The following AMMECR1 variants were observed in gnomAD, a reference collection of about 807,000 sequenced individuals.
AMMECR1 encodes the protein nuclear protein AMMECR1.
Under a neutral mutation model 22.5 loss-of-function variants are expected in AMMECR1, and 3 were observed. That is an observed-to-expected ratio of 0.13 (90% CI 0.06 to 0.35). The LOEUF (loss-of-function observed/expected upper bound fraction) is 0.35. Ranked by LOEUF, AMMECR1 falls within the 10% of genes least tolerant of loss-of-function variation. The pLI is 1.00. For missense variants in AMMECR1, 235 were observed against 278.7 expected, an observed-to-expected ratio of 0.84 and a Z score of 1.12; for synonymous variants, 130 against 116.7, an observed-to-expected ratio of 1.11 and a Z score of -0.74.
chrX:110,215,144 A>T (rs1296546735), intron 3 of AMMECR1, among the ~76,000 whole-genome samples: 1 of 112,310 alleles, frequency 8.9e-6, no homozygotes, highest in Non-Finnish European at 1.9e-5. Flanking sequence ...TAGGAACAAC[A>T]GTATAAATTT....
intron 1 of AMMECR1, among the ~76,000 whole-genome samples, chrX:110,314,992 T>G (rs1569404579): frequency 9.0e-6 from 1 of 111,048 alleles, no homozygotes; most frequent in Non-Finnish European, 1.9e-5. Flanking sequence ...TATGAGAAGT[T>G]AAAACTGTCA....
At chrX:110,313,660 C>G (rs1233205780) in intron 1 of AMMECR1, among the ~76,000 whole-genome samples, 2 of 111,701 alleles carry the variant, frequency 1.8e-5, no homozygotes, top group African/African-American at 3.3e-5. Flanking sequence ...ATGCTTTTAA[C>G]TCCTAAAATG....
At chrX:110,300,164 C>A (rs996511156) in intron 1 of AMMECR1, among the ~76,000 whole-genome samples, 5 of 112,063 alleles carry the variant, frequency 4.5e-5, no homozygotes, top group African/African-American at 1.6e-4. Context: ...CAAAGGTTCC[C>A]TTTTGTCCAT....
At chrX:110,208,843 A>G (rs947017903) in intron 3 of AMMECR1, among the ~76,000 whole-genome samples, 1 of 111,677 alleles carries the variant, frequency 9.0e-6, no homozygotes, top group African/African-American at 3.3e-5. Flanking sequence ...AAAACCCCCA[A>G]TTCTCTGTAA....
intron 2 of AMMECR1, among the ~76,000 whole-genome samples, chrX:110,359,815 C>A (rs1417746429): frequency 9.0e-6 from 1 of 111,528 alleles, no homozygotes; most frequent in Non-Finnish European, 1.9e-5. Context: ...GGTCTGGTCA[C>A]ATCATACAAG....
At chrX:110,404,123 A>G (rs973745840) in intron 2 of AMMECR1, among the ~76,000 whole-genome samples, 6 of 112,449 alleles carry the variant, frequency 5.3e-5, no homozygotes, top group African/African-American at 1.9e-4. Flanking sequence ...ACGTCATGCT[A>G]CCATTCGTTT....
upstream of AMMECR1, among the ~76,000 whole-genome samples, chrX:110,320,220 T>G (rs868365370): frequency 8.9e-6 from 1 of 112,131 alleles, no homozygotes; most frequent in African/African-American, 3.2e-5. Flanking sequence ...GAAAGCAGAT[T>G]GGTTTTTTTA....
At chrX:110,347,364 A>G (rs1204645554) in intron 2 of AMMECR1, among the ~76,000 whole-genome samples, 4 of 112,718 alleles carry the variant, frequency 3.5e-5, no homozygotes, top group African/African-American at 1.3e-4. Context: ...GTTTTGAGAT[A>G]TTTTCAAAAA....
At chrX:110,382,558 C>T (rs2068427556) in intron 2 of AMMECR1, among the ~76,000 whole-genome samples, 1 of 111,604 alleles carries the variant, frequency 9.0e-6, no homozygotes, top group Non-Finnish European at 1.9e-5. Context: ...ATATATCATC[C>T]CAGTCTGACA....
intron 2 of AMMECR1, among the ~76,000 whole-genome samples, chrX:110,259,745 C>T (rs2067729852): frequency 9.2e-6 from 1 of 109,248 alleles, no homozygotes; most frequent in East Asian, 2.9e-4. Flanking sequence ...GCACCCGCCA[C>T]CACGCCCGGC....
intron 1 of AMMECR1, among the ~76,000 whole-genome samples, chrX:110,283,059 CA>C (rs975956215): frequency 6.2e-4 from 65 of 105,134 alleles, no homozygotes; most frequent in African/African-American, 2.1e-3. Context: ...TATGGGTTAA[CA>C]AAAAAAAAAT....
At chrX:110,359,130 G>T (rs147449796) in intron 2 of AMMECR1, among the ~76,000 whole-genome samples, 3 of 110,925 alleles carry the variant, frequency 2.7e-5, no homozygotes, top group Non-Finnish European at 5.7e-5. Context: ...TCACATAGCT[G>T]GTTAAGTGCC....
At chrX:110,280,266 T>C (rs2067846118) in intron 1 of AMMECR1, among the ~76,000 whole-genome samples, 1 of 111,345 alleles carries the variant, frequency 9.0e-6, no homozygotes, top group Non-Finnish European at 1.9e-5. Flanking sequence ...GTCAACTCTC[T>C]TTACCACATA....
At chrX:110,324,524 A>G (rs1447779372) in intron 2 of AMMECR1, among the ~76,000 whole-genome samples, 1 of 110,853 alleles carries the variant, frequency 9.0e-6, no homozygotes, top group African/African-American at 3.3e-5. Context: ...AGACATCCCT[A>G]TCTTATTCCA....
At chrX:110,387,430 G>A (rs2068463237) in intron 2 of AMMECR1, among the ~76,000 whole-genome samples, 1 of 112,200 alleles carries the variant, frequency 8.9e-6, no homozygotes, top group Non-Finnish European at 1.9e-5. Context: ...CAGAAGACCT[G>A]GCTACCCTGC....
At chrX:110,291,379 T>C (rs1238361786) in intron 1 of AMMECR1, among the ~76,000 whole-genome samples, 1 of 110,176 alleles carries the variant, frequency 9.1e-6, no homozygotes, top group African/African-American at 3.3e-5. Context: ...TTTAAAAAAT[T>C]AGCCGGCGTG....
chrX:110,207,685 C>T (rs1278949208), intron 3 of AMMECR1, among the ~76,000 whole-genome samples: 13 of 112,122 alleles, frequency 1.2e-4, no homozygotes, highest in Admixed American at 1.0e-3. Flanking sequence ...AACATGATCC[C>T]TTCATAATCT....
upstream of AMMECR1, among the ~76,000 whole-genome samples, chrX:110,320,841 T>G (rs2068075960): frequency 8.9e-6 from 1 of 112,067 alleles, no homozygotes; most frequent in African/African-American, 3.2e-5. Flanking sequence ...ACCTGACCGC[T>G]AGGGGTTATT....
At chrX:110,214,596 A>C (rs1286916545) in intron 3 of AMMECR1, among the ~76,000 whole-genome samples, 1 of 112,004 alleles carries the variant, frequency 8.9e-6, no homozygotes, top group Non-Finnish European at 1.9e-5. Context: ...GATGATGATG[A>C]TGTACTCGGT....
Sources: gnomAD v4.1 joint callset for allele counts (sites outside exome capture counted in the v4.1 genomes callset) on GRCh38, gnomAD v4.1.1 for gene constraint, MANE v1.5 for transcripts, NCBI Gene and HGNC (gene_info 2026-07-23, HGNC 2026-07-21) for gene names.